ZNF253: variants seen among roughly 807,000 people sequenced by gnomAD.
ZNF253 encodes the protein DNA-binding protein.
ZNF253 carries 8 observed loss-of-function variants against 11.9 expected under a neutral mutation model. The observed-to-expected ratio is 0.67, with a 90% CI of 0.40 to 1.22. The LOEUF (loss-of-function observed/expected upper bound fraction) is 1.22, where lower values mean the gene tolerates loss of function less well. Among genes scored for constraint, ZNF253 ranks in the 50% most tolerant of loss-of-function variants. ZNF253 has a pLI of 0.01. For missense variants in ZNF253, 485 were observed against 586.9 expected (o/e 0.83, Z 1.79); for synonymous variants, 194 against 194.9 (o/e 1.00, Z 0.04).
At chr19:19,890,641 G>C (rs2063224994) in intron 3 of ZNF253, among the ~76,000 whole-genome samples, 1 of 150,800 alleles carries the variant, frequency 6.6e-6, no homozygotes, top group Admixed American at 6.6e-5. Flanking sequence ...TCCTGCCTCA[G>C]CCTTCAGGTA....
intron 3 of ZNF253, among the ~76,000 whole-genome samples, chr19:19,881,148 G>T (rs1475583181): frequency 6.7e-6 from 1 of 149,502 alleles, no homozygotes; most frequent in Non-Finnish European, 1.5e-5. Context: ...TCAATCCAAA[G>T]ACATAAAATA....
chr19:19,890,357 A>G (rs571004885), intron 3 of ZNF253, among the ~76,000 whole-genome samples: 4 of 152,286 alleles, frequency 2.6e-5, no homozygotes, highest in African/African-American at 9.6e-5. Context: ...CTGTCATTCT[A>G]ACATATCACT....
At chr19:19,876,653 A>T (rs1299720890) in intron 1 of ZNF253, among the ~76,000 whole-genome samples, 1 of 152,158 alleles carries the variant, frequency 6.6e-6, no homozygotes, top group African/African-American at 2.4e-5. Flanking sequence ...TATTATCAAG[A>T]TACGGGTGTA....
At chr19:19,890,359 C>T (rs994006534) in intron 3 of ZNF253, among the ~76,000 whole-genome samples, 15 of 152,162 alleles carry the variant, frequency 9.9e-5, no homozygotes, top group African/African-American at 3.6e-4. Context: ...GTCATTCTAA[C>T]ATATCACTGT....
intron 1 of ZNF253, among the ~76,000 whole-genome samples, chr19:19,870,026 T>C (rs1178578164): frequency 6.6e-6 from 1 of 152,124 alleles, no homozygotes; most frequent in African/African-American, 2.4e-5. Flanking sequence ...TTCACTTAAA[T>C]GGTTATTTTA....
Position 19,885,354 on chromosome 19 carries a change from C to CT in ZNF253, c.226+5210dup, listed in dbSNP as rs574115056. On this transcript the variant is annotated intron_variant, in intron 3 of 3. Transcript: ENST00000589717. ...TCTTTCTTTCTTTCTTTCTTTCTTT[C>CT]TTCCTTTCTTTTCTTTCTTTTCTTT... Among the ~76,000 whole-genome samples the CT allele has an allele frequency of 5.1e-4, 27 of 53,078 alleles. 3 individuals are homozygous for CT. Among genetic ancestry groups the CT allele is most frequent in the African/African-American group, 3.2e-3 (12 of 3,786 alleles). 34.8% of individuals were successfully genotyped at this position (53,078 alleles called of 152,430 possible).
chr19:19,887,582 A>C (rs1400765320), intron 3 of ZNF253, among the ~76,000 whole-genome samples: 3 of 152,054 alleles, frequency 2.0e-5, no homozygotes, highest in Non-Finnish European at 4.4e-5. Flanking sequence ...TTTGACTTAA[A>C]GTACATTTTA....
intron 1 of ZNF253, among the ~76,000 whole-genome samples, chr19:19,873,720 G>A (rs2063143746): frequency 6.6e-6 from 1 of 152,016 alleles, no homozygotes; most frequent in African/African-American, 2.4e-5. Flanking sequence ...AGCAGTCATG[G>A]TTCCTACAAT....
intron 3 of ZNF253, among the ~76,000 whole-genome samples, chr19:19,881,241 GAAATTTATTATGT>G (rs1015905810): frequency 1.2e-4 from 18 of 151,626 alleles, no homozygotes; most frequent in African/African-American, 3.9e-4. Context: ...TTTTTTCTCA[GAAATTTATTATGT>G]AATGCTATAG....
Position 19,892,949 on chromosome 19 carries a change from G to C in ZNF253, c.*202G>C. Reference sequence around the variant, plus strand: ...GAAGCCCTACAAGTGTGAAGAATGTGGCAAAACCTATAAACCTATAACAAG... The same window carrying C: ...GAAGCCCTACAAGTGTGAAGAATGTCGCAAAACCTATAAACCTATAACAAG... On this transcript the variant is annotated 3_prime_UTR_variant, in exon 4 of 4. Coordinates refer to ENST00000589717, the MANE Select transcript of ZNF253 (RefSeq NM_021047.3). 1.8e-6 allele frequency: 1 copy of C among 571,044 alleles called. No homozygotes were observed. Among genetic ancestry groups the C allele is most frequent in the Non-Finnish European group, 3.0e-6 (1 of 330,354 alleles). The allele number at this position is 571,044 out of a possible 1,614,324, so 35.4% of individuals were successfully genotyped here.
At chr19:19,880,178 G>A in intron 3 of ZNF253, 32 bp downstream of exon 3, 2 of 1,508,314 alleles carry the variant, frequency 1.3e-6, no homozygotes, top group South Asian at 1.2e-5. Flanking sequence ...TACAACAGAT[G>A]ACACAGATAA....
At chr19:19,881,559 G>A (rs1341666808) in intron 3 of ZNF253, among the ~76,000 whole-genome samples, 1 of 149,640 alleles carries the variant, frequency 6.7e-6, no homozygotes, top group East Asian at 2.0e-4. Context: ...TGAGATGGGA[G>A]AATCGCTTAA....
chr19:19,867,976 G>A (rs1255792785), intron 1 of ZNF253, among the ~76,000 whole-genome samples: 1 of 149,434 alleles, frequency 6.7e-6, no homozygotes, highest in Non-Finnish European at 1.5e-5. Context: ...TCATATGCTT[G>A]CTAGCCACAT....
intron 1 of ZNF253, among the ~76,000 whole-genome samples, chr19:19,875,627 C>T (rs1359952082): frequency 1.3e-5 from 2 of 152,162 alleles, no homozygotes; most frequent in Non-Finnish European, 2.9e-5. Context: ...GATCTCCTGA[C>T]CTCGTGATCC....
intron 2 of ZNF253, 189 bp downstream of exon 2, chr19:19,878,796 T>C: frequency 2.0e-6 from 1 of 499,850 alleles, no homozygotes; most frequent in Non-Finnish European, 3.3e-6. Flanking sequence ...AACCCTGTAA[T>C]CAATAACAAT....
chr19:19,870,056 T>C (rs1204981992), intron 1 of ZNF253, among the ~76,000 whole-genome samples: 1 of 152,122 alleles, frequency 6.6e-6, no homozygotes, highest in Non-Finnish European at 1.5e-5. Context: ...TTTATACTTT[T>C]GAAATATAAA....
At chr19:19,880,264 T>G (rs1599554047) in intron 3 of ZNF253, 118 bp downstream of exon 3, 1 of 557,656 alleles carries the variant, frequency 1.8e-6, no homozygotes, top group Non-Finnish European at 2.9e-6. Context: ...AAATAGGTCC[T>G]GGGCAGCTGT....
chr19:19,865,851 C>A (rs553852428), upstream of ZNF253: 37 of 1,038,574 alleles, frequency 3.6e-5, no homozygotes, highest in South Asian at 4.2e-4. Flanking sequence ...TTTCTGGGGG[C>A]CTTTGTTTCT....
In ZNF253 at chr19:19,865,944, T is replaced by C; in HGVS notation, c.-53T>C. 6.2e-7 allele frequency: 1 copy of C among 1,613,644 alleles called. No homozygotes were observed. The highest frequency in any genetic ancestry group is 1.1e-5 in the South Asian group (1 of 91,060). On this transcript the variant is annotated 5_prime_UTR_variant, in exon 1 of 4. Transcript: ENST00000589717. ...GCCCGTCCTCTGTGGCCGTGTGACC[T>C]GCAAGTATTGGGAGAGCCACAGCTA...
Sources: gnomAD v4.1 joint callset for allele counts (sites outside exome capture counted in the v4.1 genomes callset) on GRCh38, gnomAD v4.1.1 for gene constraint, MANE v1.5 for transcripts, NCBI Gene and HGNC (gene_info 2026-07-23, HGNC 2026-07-21) for gene names.